Variants in DYNC1I1 observed in about 807,000 individuals in gnomAD.
DYNC1I1 encodes cytoplasmic dynein 1 intermediate chain 1.
DYNC1I1 carries 43 observed loss-of-function variants against 86.6 expected under a neutral mutation model. The observed-to-expected ratio is 0.50, with a 90% CI of 0.39 to 0.64. DYNC1I1 has a LOEUF of 0.64. Ranked by LOEUF, DYNC1I1 falls within the 30% of genes least tolerant of loss-of-function variation. DYNC1I1 has a pLI of 0.00. For missense variants in DYNC1I1, 604 were observed against 788.8 expected, an observed-to-expected ratio of 0.77 and a Z score of 2.81; for synonymous variants, 262 against 283.7, an observed-to-expected ratio of 0.92 and a Z score of 0.77.
chr7:96,080,384 A>G lies in DYNC1I1; in HGVS notation c.1672A>G (p.Ile558Val). The G allele has an allele frequency of 6.2e-7, 1 of 1,611,206 alleles. No individual in the cohort carries two copies. The highest frequency in any genetic ancestry group is 8.5e-7 in the Non-Finnish European group (1 of 1,178,684). ...GCAGGTTCCAACAGCAAGTGTGGCCATTGAGGGGGCATCCGCCCTAAACCG... is the reference window on the plus strand; with the variant it reads ...GCAGGTTCCAACAGCAAGTGTGGCCGTTGAGGGGGCATCCGCCCTAAACCG... ...DTEVPTASVA[I>V]EGASALNRVR... is the part of the protein sequence containing the mutation. The change falls in exon 16 of 17, where the codon ATT (isoleucine) becomes GTT (valine). Residue 558 changes from isoleucine (I) to valine (V), a missense_variant. By Grantham distance (29) the Ile-to-Val change is conservative (BLOSUM62 3). Transcript: ENST00000447467.
intron 5 of DYNC1I1, among the ~76,000 whole-genome samples, chr7:95,861,388 C>A (rs752349448): frequency 2.0e-5 from 3 of 152,154 alleles, no homozygotes; most frequent in Non-Finnish European, 2.9e-5. Context: ...ACAAAATATT[C>A]AACTAATCTC....
chr7:95,837,047 CT>C (rs1789116210), intron 5 of DYNC1I1, among the ~76,000 whole-genome samples: 1 of 150,328 alleles, frequency 6.7e-6, no homozygotes, highest in South Asian at 2.1e-4. Context: ...AGGCGCTCTG[CT>C]TTTTAGAGTT....
At chr7:95,797,278 C>T (rs1284649080) in intron 1 of DYNC1I1, among the ~76,000 whole-genome samples, 2 of 152,062 alleles carry the variant, frequency 1.3e-5, no homozygotes, top group Non-Finnish European at 2.9e-5. Context: ...GTGATTCAGA[C>T]TTCAGTATTT....
downstream of DYNC1I1, among the ~76,000 whole-genome samples, chr7:96,101,456 A>G (rs1357157262): frequency 6.6e-6 from 1 of 152,180 alleles, no homozygotes; most frequent in Non-Finnish European, 1.5e-5. Context: ...GCAAACATCT[A>G]TTGTGATGAT....
chr7:95,952,632 C>G (rs1792590764), intron 6 of DYNC1I1, among the ~76,000 whole-genome samples: 1 of 152,180 alleles, frequency 6.6e-6, no homozygotes, highest in Non-Finnish European at 1.5e-5. Flanking sequence ...ACGCCATCCT[C>G]CCACAGTCTG....
intron 6 of DYNC1I1, among the ~76,000 whole-genome samples, chr7:95,936,953 GTC>G (rs373159510): frequency 1.5e-4 from 18 of 118,472 alleles, no homozygotes; most frequent in African/African-American, 2.6e-4. Flanking sequence ...TAAAGAATAT[GTC>G]TCACACACAC....
At chr7:95,883,030 G>A (rs796620550) in intron 6 of DYNC1I1, among the ~76,000 whole-genome samples, 9 of 152,134 alleles carry the variant, frequency 5.9e-5, no homozygotes, top group African/African-American at 1.7e-4. Context: ...ATCCCTGTCC[G>A]GGTTTCCTAG....
chr7:95,935,055 A>G (rs1020221490), intron 6 of DYNC1I1, among the ~76,000 whole-genome samples: 1 of 151,918 alleles, frequency 6.6e-6, no homozygotes, highest in Non-Finnish European at 1.5e-5. Context: ...TATAGATACA[A>G]TGTCCTATAG....
intron 6 of DYNC1I1, among the ~76,000 whole-genome samples, chr7:95,934,226 AG>A (rs1791979017): frequency 6.6e-6 from 1 of 152,158 alleles, no homozygotes; most frequent in African/African-American, 2.4e-5. Flanking sequence ...ACATTTTCTT[AG>A]GTTAATAGAT....
Position 95,818,712 on chromosome 7 carries a change from C to A in DYNC1I1, c.314+5375C>A, listed in dbSNP as rs568349576. ...TATACAACTAGAAAATATAAATGAG[C>A]AAAAATAACAAAATAAAAACATCAT... On this transcript the variant is annotated intron_variant, in intron 4 of 16. Coordinates refer to ENST00000447467, the MANE Select transcript of DYNC1I1 (RefSeq NM_001135556.2). 1.3e-3 allele frequency: 546 copies of A among 426,260 alleles called. 4 individuals carry two copies. In the Middle Eastern group the frequency reaches 0.018, roughly 14 times the overall value. 26.4% of individuals were successfully genotyped at this position (426,260 alleles called of 1,614,324 possible). A position where few individuals can be genotyped will look rare whatever the true frequency, so the allele number is the denominator to read the frequency against.
At chr7:95,883,642 C>G (rs370438007) in intron 6 of DYNC1I1, among the ~76,000 whole-genome samples, 2 of 152,216 alleles carry the variant, frequency 1.3e-5, no homozygotes, top group East Asian at 3.9e-4. Context: ...CTGTGAGAGA[C>G]ATGGATTGTA....
chr7:96,107,142 T>A (rs1348752175), intron 16 of DYNC1I1, among the ~76,000 whole-genome samples: 1 of 152,040 alleles, frequency 6.6e-6, no homozygotes, highest in Non-Finnish European at 1.5e-5. Flanking sequence ...TGTTCATTCC[T>A]CAGCCTCCCG....
At chr7:95,834,912 C>T (rs1789032752) in intron 5 of DYNC1I1, among the ~76,000 whole-genome samples, 1 of 151,840 alleles carries the variant, frequency 6.6e-6, no homozygotes, top group South Asian at 2.1e-4. Context: ...TTGATCCTTT[C>T]AAAAAGCCAG....
intron 14 of DYNC1I1, 141 bp downstream of exon 14, chr7:96,039,562 T>A: frequency 1.1e-6 from 1 of 943,484 alleles, no homozygotes; most frequent in Non-Finnish European, 1.6e-6. Context: ...GAGCTCAGTC[T>A]ACCTCAGAGC....
chr7:95,911,195 A>G (rs1159823637), intron 6 of DYNC1I1, among the ~76,000 whole-genome samples: 1 of 152,208 alleles, frequency 6.6e-6, no homozygotes, highest in Non-Finnish European at 1.5e-5. Flanking sequence ...AAAAATTAGA[A>G]CAGAGCAGGA....
At chr7:95,796,574 A>G (rs2115749218) in intron 1 of DYNC1I1, among the ~76,000 whole-genome samples, 1 of 152,158 alleles carries the variant, frequency 6.6e-6, no homozygotes, top group Admixed American at 6.5e-5. Context: ...TTTAAATCAT[A>G]GTTTGTGGAA....
intron 6 of DYNC1I1, among the ~76,000 whole-genome samples, chr7:95,946,780 A>G (rs185258279): frequency 1.3e-5 from 2 of 152,330 alleles, no homozygotes; most frequent in East Asian, 3.9e-4. Flanking sequence ...CTGCCCTGAT[A>G]GAGCTTATAT....
intron 6 of DYNC1I1, among the ~76,000 whole-genome samples, chr7:95,893,133 A>G (rs1008724506): frequency 3.3e-5 from 5 of 152,224 alleles, no homozygotes; most frequent in African/African-American, 1.2e-4. Context: ...AAACACAAGC[A>G]TGTTTTGGAG....
At chr7:95,991,542 G>A (rs1793729666) in intron 9 of DYNC1I1, among the ~76,000 whole-genome samples, 1 of 152,114 alleles carries the variant, frequency 6.6e-6, no homozygotes. Context: ...CAGCTCCCAG[G>A]TCCTGTGTCT....
Sources: gnomAD v4.1 joint callset for allele counts (sites outside exome capture counted in the v4.1 genomes callset) on GRCh38, gnomAD v4.1.1 for gene constraint, MANE v1.5 for transcripts, NCBI Gene and HGNC (gene_info 2026-07-23, HGNC 2026-07-21) for gene names.